The following PLPPR1 variants were observed in gnomAD, a reference collection of about 807,000 sequenced individuals.
PLPPR1 encodes the protein phospholipid phosphatase related 1, also known as phospholipid phosphatase-related protein type 1.
PLPPR1 carries 10 observed loss-of-function variants against 33.1 expected under a neutral mutation model. That is an observed-to-expected ratio of 0.30 (90% confidence interval 0.19 to 0.51). The LOEUF is 0.51. Ranked by LOEUF, PLPPR1 falls within the 20% of genes least tolerant of loss-of-function variation. The pLI is 0.97. For synonymous variants in PLPPR1, 151 were observed against 151.0 expected, an observed-to-expected ratio of 1.00 and a Z score of 0.00; for missense variants, 304 against 408.1, an observed-to-expected ratio of 0.74 and a Z score of 2.20.
chr9:101,144,260 C>CT (rs1392548577), intron 1 of PLPPR1, among the ~76,000 whole-genome samples: 4 of 151,498 alleles, frequency 2.6e-5, no homozygotes, highest in Admixed American at 6.6e-5. Context: ...ACACCGGGGC[C>CT]TGTTGGGGGT....
chr9:101,294,913 C>A (rs1303501384), intron 4 of PLPPR1, among the ~76,000 whole-genome samples: 3 of 152,176 alleles, frequency 2.0e-5, no homozygotes, highest in East Asian at 3.9e-4. Flanking sequence ...TCCCTGTCTA[C>A]TACTCCTATT....
intron 1 of PLPPR1, among the ~76,000 whole-genome samples, chr9:101,098,303 T>C (rs1043177999): frequency 2.7e-5 from 4 of 150,380 alleles, no homozygotes; most frequent in African/African-American, 1.0e-4. Flanking sequence ...GTCATGAGTA[T>C]CAGGTAGAAC....
At chr9:101,140,354 G>C (rs1360426388) in intron 1 of PLPPR1, among the ~76,000 whole-genome samples, 4 of 152,158 alleles carry the variant, frequency 2.6e-5, no homozygotes, top group African/African-American at 7.2e-5. Context: ...ACTAGACTCT[G>C]GTTGTTACTG....
At chr9:101,240,616 G>A (rs992340069) in intron 2 of PLPPR1, among the ~76,000 whole-genome samples, 6 of 151,938 alleles carry the variant, frequency 3.9e-5, no homozygotes, top group South Asian at 2.1e-4. Context: ...AATGTTCTTC[G>A]AAAGATTCAA....
At chr9:101,078,181 A>G (rs866059549) in intron 1 of PLPPR1, among the ~76,000 whole-genome samples, 1 of 18,314 alleles carries the variant, frequency 5.5e-5, no homozygotes, top group African/African-American at 2.6e-4. Context: ...AAGAAGAAGA[A>G]GAAGAGGAGG....
At chr9:101,143,946 T>C (rs1831488841) in intron 1 of PLPPR1, among the ~76,000 whole-genome samples, 1 of 152,168 alleles carries the variant, frequency 6.6e-6, no homozygotes, top group Admixed American at 6.5e-5. Context: ...ACCCAAAGGA[T>C]TATAAATCAC....
At chr9:101,087,785 G>A (rs908827229) in intron 1 of PLPPR1, among the ~76,000 whole-genome samples, 7 of 152,168 alleles carry the variant, frequency 4.6e-5, no homozygotes, top group African/African-American at 1.4e-4. Context: ...ATCATTGATC[G>A]TAATCTTTTC....
At chr9:101,031,573 G>T (rs1204009765) in intron 1 of PLPPR1, among the ~76,000 whole-genome samples, 1 of 152,052 alleles carries the variant, frequency 6.6e-6, no homozygotes, top group African/African-American at 2.4e-5. Flanking sequence ...GGAGGCTGGG[G>T]AAAAAAAGAT....
intron 1 of PLPPR1, among the ~76,000 whole-genome samples, chr9:101,127,424 C>T (rs1412623224): frequency 6.6e-6 from 1 of 152,208 alleles, no homozygotes. Context: ...GCTCTGGGAG[C>T]CCATGCTATT....
intron 2 of PLPPR1, among the ~76,000 whole-genome samples, chr9:101,202,065 C>A (rs1431478): frequency 0.54 from 81,601 of 152,028 alleles, 23,120 homozygotes; most frequent in Non-Finnish European, 0.62. Flanking sequence ...TCAGGTCCAA[C>A]CAGTTTGGAG....
chr9:101,197,805 T>C (rs557052202), intron 2 of PLPPR1, among the ~76,000 whole-genome samples: 13 of 152,350 alleles, frequency 8.5e-5, no homozygotes, highest in African/African-American at 2.9e-4. Context: ...CAGAATTCTT[T>C]ATACAAAGTT....
chr9:101,199,926 G>A (rs1472201317), intron 2 of PLPPR1, among the ~76,000 whole-genome samples: 1 of 152,148 alleles, frequency 6.6e-6, no homozygotes, highest in Non-Finnish European at 1.5e-5. Flanking sequence ...GGTCATTCCA[G>A]TAAAGCTTGA....
At chr9:101,057,608 T>G (rs2246594) in intron 1 of PLPPR1, among the ~76,000 whole-genome samples, 46,182 of 152,076 alleles carry the variant, frequency 0.3, 8,580 homozygotes, top group Non-Finnish European at 0.41. Context: ...CTATGCTTAG[T>G]GTTTTATATA....
At position 101,294,927 on chromosome 9, in the gene PLPPR1, CAT is replaced by C. The variant is rs567857338; in HGVS notation, c.385+8693_385+8694del. Among the ~76,000 whole-genome samples the C allele has an allele frequency of 8.9e-4, 136 of 152,268 alleles. 1 individual carries two copies. The highest frequency in any genetic ancestry group is 3.2e-3 in the African/African-American group (132 of 41,536). ...TTCCCTGTCTACTACTCCTATTCGA[CAT>C]AGTGTTGGAAGTTCTGGCCAGGGCA... On this transcript the variant is annotated intron_variant, in intron 4 of 7. Transcript: ENST00000374874.
intron 1 of PLPPR1, among the ~76,000 whole-genome samples, chr9:101,142,968 A>G (rs1356594811): frequency 6.6e-6 from 1 of 152,034 alleles, no homozygotes; most frequent in East Asian, 1.9e-4. Context: ...ATGTTCATAA[A>G]TTTATTGTGC....
intron 1 of PLPPR1, among the ~76,000 whole-genome samples, chr9:101,149,172 ACT>A (rs1831554196): frequency 6.6e-6 from 1 of 152,218 alleles, no homozygotes; most frequent in Non-Finnish European, 1.5e-5. Context: ...GTGGGAAAAC[ACT>A]GTTATCAGAG....
chr9:101,037,023 T>A (rs1246639726), intron 1 of PLPPR1, among the ~76,000 whole-genome samples: 4 of 151,920 alleles, frequency 2.6e-5, no homozygotes. Flanking sequence ...AGGTGTAGAG[T>A]TTCAGATCAC....
At chr9:101,266,605 C>A (rs541383594) in intron 2 of PLPPR1, among the ~76,000 whole-genome samples, 5 of 152,182 alleles carry the variant, frequency 3.3e-5, no homozygotes, top group African/African-American at 1.2e-4. Flanking sequence ...TTATGTCCTG[C>A]AAATTTTTAT....
At chr9:101,231,821 A>G (rs2118820874) in intron 2 of PLPPR1, among the ~76,000 whole-genome samples, 1 of 152,200 alleles carries the variant, frequency 6.6e-6, no homozygotes, top group South Asian at 2.1e-4. Context: ...CTGTTGCTGT[A>G]TGCAGCATCA....
Sources: gnomAD v4.1 joint callset for allele counts (sites outside exome capture counted in the v4.1 genomes callset) on GRCh38, gnomAD v4.1.1 for gene constraint, MANE v1.5 for transcripts, NCBI Gene and HGNC (gene_info 2026-07-23, HGNC 2026-07-21) for gene names.